The following MGAT4C variants were observed in gnomAD, a reference collection of about 807,000 sequenced individuals.
MGAT4C encodes MGAT4 family member C.
In MGAT4C, 19 loss-of-function variants were observed where a neutral mutation model predicts 40.1. The ratio of observed to expected loss-of-function variants is 0.47; its 90% CI spans 0.33 to 0.70. The LOEUF (loss-of-function observed/expected upper bound fraction) is 0.70, where lower values mean the gene tolerates loss of function less well. MGAT4C is among the 30% of genes least tolerant of loss of function. The pLI is 0.02. For missense variants in MGAT4C, 491 were observed against 563.2 expected (o/e 0.87, Z 1.30); for synonymous variants, 181 against 187.1 (o/e 0.97, Z 0.27).
chr12:86,837,300 C>G (rs901589397), intron 1 of MGAT4C, among the ~76,000 whole-genome samples: 4 of 152,178 alleles, frequency 2.6e-5, no homozygotes, highest in African/African-American at 7.2e-5. Flanking sequence ...GGACTTTATA[C>G]TCTTTTCTCT....
chr12:86,146,828 C>A (rs1883579570), intron 1 of MGAT4C, among the ~76,000 whole-genome samples: 2 of 52,538 alleles, frequency 3.8e-5, no homozygotes, highest in African/African-American at 1.7e-4. Flanking sequence ...CATTCTAATT[C>A]TCTCCTTTTT....
chr12:86,573,271 G>A (rs1368695981), intron 2 of MGAT4C, among the ~76,000 whole-genome samples: 2 of 151,876 alleles, frequency 1.3e-5, no homozygotes, highest in Non-Finnish European at 2.9e-5. Flanking sequence ...AATAACACAT[G>A]CATTTTTAAA....
intron 1 of MGAT4C, among the ~76,000 whole-genome samples, chr12:86,766,909 G>A (rs1951520618): frequency 6.6e-6 from 1 of 151,936 alleles, no homozygotes; most frequent in South Asian, 2.1e-4. Context: ...GCCCACAAGA[G>A]AAAGCAGGAA....
intron 1 of MGAT4C, among the ~76,000 whole-genome samples, chr12:86,745,607 A>G (rs1349460221): frequency 6.6e-6 from 1 of 151,692 alleles, no homozygotes; most frequent in Non-Finnish European, 1.5e-5. Context: ...ATTGGCCTAG[A>G]AAACCAAATT....
intron 2 of MGAT4C, among the ~76,000 whole-genome samples, chr12:86,548,441 T>C (rs539636661): frequency 1.3e-5 from 2 of 152,286 alleles, no homozygotes; most frequent in South Asian, 4.1e-4. Context: ...TCTTTCTCTT[T>C]CTCACAATTC....
intron 1 of MGAT4C, among the ~76,000 whole-genome samples, chr12:86,734,323 T>G: frequency 6.6e-6 from 1 of 151,908 alleles, no homozygotes; most frequent in East Asian, 1.9e-4. Context: ...GTGACAGAAA[T>G]TAAGATGTTG....
At chr12:86,357,525 T>G (rs1397309732) in intron 3 of MGAT4C, among the ~76,000 whole-genome samples, 1 of 152,042 alleles carries the variant, frequency 6.6e-6, no homozygotes, top group Non-Finnish European at 1.5e-5. Flanking sequence ...AATAACAAAC[T>G]TCTCCGAGCT....
chr12:86,540,465 C>A (rs1289663559), intron 2 of MGAT4C, among the ~76,000 whole-genome samples: 1 of 152,128 alleles, frequency 6.6e-6, no homozygotes, highest in African/African-American at 2.4e-5. Flanking sequence ...TGGCTGGGCG[C>A]GGTGGCTCAT....
intron 1 of MGAT4C, among the ~76,000 whole-genome samples, chr12:86,766,350 G>A (rs1004085451): frequency 6.6e-6 from 1 of 152,058 alleles, no homozygotes; most frequent in African/African-American, 2.4e-5. Context: ...CAATACAGGA[G>A]CACCCAGATT....
intron 3 of MGAT4C, among the ~76,000 whole-genome samples, chr12:86,385,380 T>C (rs1163340937): frequency 6.6e-6 from 1 of 152,180 alleles, no homozygotes; most frequent in Admixed American, 6.5e-5. Flanking sequence ...ACGTATATAC[T>C]CTTTTATTAT....
chr12:85,974,736 G>A lies in MGAT4C; in HGVS notation c.*4553C>T, dbSNP rs1883844904. On this transcript the variant is annotated 3_prime_UTR_variant, in exon 5 of 5. Transcript: ENST00000611864. ...ACTAATCACATTGAATTTTGTTATG[G>A]CCTTTTTCTTCCTAAAAAGAATAAC... 1 of 150,410 alleles carries A rather than the reference G, an allele frequency of 6.6e-6. No homozygotes were observed. The highest frequency in any genetic ancestry group is 6.6e-5 in the Admixed American group (1 of 15,040). The allele number at this position is 150,410 out of a possible 1,614,324, so 9.3% of individuals were successfully genotyped here.
At chr12:86,116,794 T>A (rs1878502509) in intron 1 of MGAT4C, among the ~76,000 whole-genome samples, 1 of 152,148 alleles carries the variant, frequency 6.6e-6, no homozygotes, top group Non-Finnish European at 1.5e-5. Flanking sequence ...CACGATAACA[T>A]ACAGGATGAT....
chr12:86,767,797 C>A (rs1951542940), intron 1 of MGAT4C, among the ~76,000 whole-genome samples: 1 of 152,106 alleles, frequency 6.6e-6, no homozygotes, highest in Non-Finnish European at 1.5e-5. Flanking sequence ...GCAGAAAAGG[C>A]CTTTGACAAA....
intron 2 of MGAT4C, among the ~76,000 whole-genome samples, chr12:86,452,281 T>C (rs907653901): frequency 6.6e-6 from 1 of 152,006 alleles, no homozygotes; most frequent in East Asian, 1.9e-4. Context: ...TCTGTATACA[T>C]GTGTCATGTT....
At chr12:86,558,579 A>C (rs1592984758) in intron 2 of MGAT4C, among the ~76,000 whole-genome samples, 1 of 152,214 alleles carries the variant, frequency 6.6e-6, no homozygotes, top group African/African-American at 2.4e-5. Context: ...GAAGAAATAA[A>C]ATTTTTCCCA....
intron 2 of MGAT4C, among the ~76,000 whole-genome samples, chr12:86,483,792 C>A (rs1420977609): frequency 6.8e-6 from 1 of 147,694 alleles, no homozygotes; most frequent in East Asian, 2.0e-4. Context: ...TCCAGCCATT[C>A]TCCCTGGTGT....
intron 1 of MGAT4C, among the ~76,000 whole-genome samples, chr12:86,074,866 C>G (rs1869365228): frequency 6.6e-6 from 1 of 152,032 alleles, no homozygotes; most frequent in East Asian, 1.9e-4. Flanking sequence ...GAAAACTGCC[C>G]CCATGATTCA....
At chr12:86,475,810 G>T (rs73191404) in intron 2 of MGAT4C, among the ~76,000 whole-genome samples, 15,793 of 151,972 alleles carry the variant, frequency 0.1, 1,029 homozygotes, top group Middle Eastern at 0.25. Flanking sequence ...TACAAAGTAA[G>T]CATGATAAAC....
chr12:86,559,587 C>A (rs114110581), intron 2 of MGAT4C, among the ~76,000 whole-genome samples: 4,717 of 151,778 alleles, frequency 0.031, 123 homozygotes, highest in African/African-American at 0.074. Flanking sequence ...AGATGAAAAA[C>A]CAAAACCAAA....
Sources: allele counts gnomAD v4.1 joint callset (sites outside exome capture counted in the v4.1 genomes callset), GRCh38; gene constraint gnomAD v4.1.1; transcripts MANE v1.5; gene names NCBI Gene and HGNC (gene_info 2026-07-23, HGNC 2026-07-21).